Variants in EYA3 observed in about 807,000 individuals in gnomAD.
EYA3 encodes the protein protein phosphatase EYA3.
A neutral mutation model predicts 80.0 loss-of-function variants in EYA3; 39 were observed. The observed-to-expected ratio is 0.49, with a 90% CI of 0.38 to 0.64. The LOEUF (loss-of-function observed/expected upper bound fraction) is 0.64, where lower values mean the gene tolerates loss of function less well. Among genes scored for constraint, EYA3 ranks in the 30% least tolerant of loss-of-function variants. EYA3 has a pLI of 0.00. For synonymous variants in EYA3, 206 were observed against 232.8 expected, an observed-to-expected ratio of 0.88 and a Z score of 1.05; for missense variants, 523 against 676.1, an observed-to-expected ratio of 0.77 and a Z score of 2.51.
At chr1:28,012,846 T>C (rs1641785265) in intron 9 of EYA3, among the ~76,000 whole-genome samples, 1 of 152,098 alleles carries the variant, frequency 6.6e-6, no homozygotes, top group Admixed American at 6.6e-5. Flanking sequence ...CTGTGGCAAG[T>C]GGGTTAAAGC....
chr1:28,014,443 AAAG>A (rs1641905701), intron 8 of EYA3, among the ~76,000 whole-genome samples: 3 of 146,318 alleles, frequency 2.1e-5, no homozygotes, highest in African/African-American at 5.1e-5. Context: ...AAAAAAAAAA[AAAG>A]GCCAGGCACG....
intron 6 of EYA3, 107 bp downstream of exon 6, chr1:28,035,437 A>C (rs1343951859): frequency 1.3e-5 from 16 of 1,262,224 alleles, no homozygotes; most frequent in Non-Finnish European, 1.6e-5. Flanking sequence ...TGCATACCCA[A>C]CCACATATGT....
chr1:27,994,001 A>G (rs995991508), intron 13 of EYA3, among the ~76,000 whole-genome samples: 7 of 152,248 alleles, frequency 4.6e-5, no homozygotes, highest in Non-Finnish European at 1.0e-4. Context: ...ATAATGGCAG[A>G]TATTTCCTTA....
intron 1 of EYA3, among the ~76,000 whole-genome samples, chr1:28,080,944 C>G (rs1056381827): frequency 6.6e-6 from 1 of 151,514 alleles, no homozygotes; most frequent in Non-Finnish European, 1.5e-5. Flanking sequence ...TTGGTAGAGA[C>G]GGGGTTTCAC....
intron 1 of EYA3, among the ~76,000 whole-genome samples, chr1:28,063,392 T>C (rs1644714596): frequency 7.1e-6 from 1 of 141,832 alleles, no homozygotes; most frequent in South Asian, 2.3e-4. Flanking sequence ...CATCTTGCTC[T>C]GTCACCCAGG....
At chr1:28,076,722 T>C (rs1342948632) in intron 1 of EYA3, among the ~76,000 whole-genome samples, 1 of 148,324 alleles carries the variant, frequency 6.7e-6, no homozygotes, top group Non-Finnish European at 1.5e-5. Flanking sequence ...CTAAGAATAA[T>C]TGCTTTTATA....
intron 1 of EYA3, among the ~76,000 whole-genome samples, chr1:28,072,328 C>A (rs12751515): frequency 2.0e-5 from 3 of 151,976 alleles, no homozygotes; most frequent in African/African-American, 7.2e-5. Flanking sequence ...GTAGTAAAAT[C>A]TGAATGAAGT....
intron 12 of EYA3, among the ~76,000 whole-genome samples, chr1:27,998,739 AT>A (rs1267349282): frequency 2.0e-5 from 3 of 152,060 alleles, no homozygotes; most frequent in Non-Finnish European, 4.4e-5. Flanking sequence ...GATTAAAAAA[AT>A]GATTACTTTG....
chr1:28,047,938 G>C (rs979360253), intron 3 of EYA3, among the ~76,000 whole-genome samples: 1 of 152,072 alleles, frequency 6.6e-6, no homozygotes, highest in South Asian at 2.1e-4. Context: ...CGTGCCAGGC[G>C]CAAGCTTCCT....
At chr1:28,029,611 A>ATTTT (rs1643000806) in intron 6 of EYA3, among the ~76,000 whole-genome samples, 1 of 129,872 alleles carries the variant, frequency 7.7e-6, no homozygotes, top group Admixed American at 8.0e-5. Context: ...TTTTTTTTTG[A>ATTTT]GATGGAGTTT....
chr1:28,028,039 A>C lies in EYA3; in HGVS notation c.362-113T>G, dbSNP rs565260343. ...AAATCTAAATCTTAAAACAAAAATA[A>C]ATTTGCTTGTAAGAGAAAATTATTG... On this transcript the variant is annotated intron_variant, in intron 6 of 17. Transcript: ENST00000373871. 1.1e-5 allele frequency: 14 copies of C among 1,250,130 alleles called. No individual in the cohort carries two copies. In the African/African-American group the frequency reaches 1.9e-4, roughly 17 times the overall value. 77.4% of individuals were successfully genotyped at this position (1,250,130 alleles called of 1,614,324 possible). A position where few individuals can be genotyped will look rare whatever the true frequency, so the allele number is the denominator to read the frequency against.
intron 7 of EYA3, among the ~76,000 whole-genome samples, chr1:28,021,705 G>A (rs1170936709): frequency 1.3e-5 from 2 of 151,818 alleles, no homozygotes; most frequent in Non-Finnish European, 2.9e-5. Flanking sequence ...CCTGGTTCAG[G>A]CGATTCTCGT....
In EYA3 at chr1:28,033,683, C is replaced by T. The variant is rs554026119; in HGVS notation, c.361+1861G>A. Among the ~76,000 whole-genome samples the T allele has an allele frequency of 5.6e-5, 8 of 141,638 alleles. No homozygotes were observed. The East Asian group carries it at 1.7e-3, about 30-fold the overall frequency. 92.9% of individuals were successfully genotyped at this position (141,638 alleles called of 152,430 possible). Reference sequence around the variant, plus strand: ...TTATTATTATTATTTTTGAGACAGTCTTGCTCTGTCGCCCAGGCTGGAGTG... The same window carrying T: ...TTATTATTATTATTTTTGAGACAGTTTTGCTCTGTCGCCCAGGCTGGAGTG... On this transcript the variant is annotated intron_variant, in intron 6 of 17. Coordinates refer to ENST00000373871, the MANE Select transcript of EYA3 (RefSeq NM_001990.4).
intron 11 of EYA3, among the ~76,000 whole-genome samples, chr1:28,003,270 AAAC>A (rs139958121): frequency 0.3 from 43,426 of 145,526 alleles, 6,539 homozygotes; most frequent in Middle Eastern, 0.34. Flanking sequence ...ACTCCGTCTC[AAAC>A]AACAACAACA....
At position 27,973,897 on chromosome 1, in the gene EYA3, T is replaced by G. The variant is rs1182045882; in HGVS notation, c.*569A>C. ...CTTACCTATAAAAATAACATACACA[T>G]TCGCTGGAAATAAGTGAGATTCTAA... On this transcript the variant is annotated 3_prime_UTR_variant, in exon 18 of 18. Coordinates refer to ENST00000373871, the MANE Select transcript of EYA3 (RefSeq NM_001990.4). 6.6e-6 allele frequency: 1 copy of G among 152,172 alleles called. No individual in the cohort carries two copies. The highest frequency in any genetic ancestry group is 2.4e-5 in the African/African-American group (1 of 41,442). 9.4% of individuals were successfully genotyped at this position (152,172 alleles called of 1,614,324 possible).
intron 2 of EYA3, among the ~76,000 whole-genome samples, chr1:28,057,111 A>C (rs1189495765): frequency 2.0e-5 from 3 of 152,192 alleles, no homozygotes; most frequent in African/African-American, 7.2e-5. Flanking sequence ...ATGACAAAGT[A>C]ATCATCAATA....
chr1:28,047,912 TACAGGC>T (rs1644084518), intron 3 of EYA3, among the ~76,000 whole-genome samples: 1 of 152,210 alleles, frequency 6.6e-6, no homozygotes, highest in Non-Finnish European at 1.5e-5. Flanking sequence ...GTGCTGGGAT[TACAGGC>T]GTGAGCGACC....
At chr1:28,048,347 G>C in intron 3 of EYA3, 36 bp downstream of exon 3, 1 of 1,488,298 alleles carries the variant, frequency 6.7e-7, no homozygotes, top group South Asian at 1.3e-5. Flanking sequence ...CAAAACTTAT[G>C]AGTAGTTCAT....
chr1:28,069,658 G>A (rs1315650711), intron 1 of EYA3, among the ~76,000 whole-genome samples: 1 of 150,026 alleles, frequency 6.7e-6, no homozygotes, highest in Admixed American at 6.6e-5. Flanking sequence ...GGGTAGAAGA[G>A]GAAGAGAGGA....
Sources: allele counts gnomAD v4.1 joint callset (sites outside exome capture counted in the v4.1 genomes callset), GRCh38; gene constraint gnomAD v4.1.1; transcripts MANE v1.5; gene names NCBI Gene and HGNC (gene_info 2026-07-23, HGNC 2026-07-21).